NEBL: variants seen among roughly 807,000 people sequenced by gnomAD.
NEBL encodes nebulette, also known as LIM and SH3 protein 2.
NEBL carries 122 observed loss-of-function variants against 140.2 expected under a neutral mutation model. That is an observed-to-expected ratio of 0.87 (90% CI 0.75 to 1.01). The LOEUF (loss-of-function observed/expected upper bound fraction) is 1.01, where lower values mean the gene tolerates loss of function less well. Ranked by LOEUF, NEBL falls within the 50% of genes least tolerant of loss-of-function variation. The probability of loss-of-function intolerance (pLI) is 0.00; values close to 1 mark genes in which losing one functional copy is unlikely to be tolerated. For missense variants in NEBL, 1,365 were observed against 1,231.3 expected (o/e 1.11, Z -1.62); for synonymous variants, 436 against 398.9 (o/e 1.09, Z -1.11).
intron 2 of NEBL, among the ~76,000 whole-genome samples, chr10:21,139,561 C>A (rs1434796503): frequency 6.6e-6 from 1 of 152,120 alleles, no homozygotes; most frequent in East Asian, 1.9e-4. Context: ...GTTGTCATAG[C>A]AATGATGAAA....
intron 2 of NEBL, among the ~76,000 whole-genome samples, chr10:21,250,692 C>T (rs59424195): frequency 0.21 from 31,252 of 151,756 alleles, 3,805 homozygotes; most frequent in African/African-American, 0.33. Context: ...AGGTGGATCA[C>T]CTGAGTTCAG....
intron 2 of NEBL, among the ~76,000 whole-genome samples, chr10:21,145,022 G>A (rs1839828368): frequency 6.7e-6 from 1 of 148,828 alleles, no homozygotes; most frequent in African/African-American, 2.5e-5. Context: ...AACCACAGAA[G>A]TAAAAATGGC....
intron 2 of NEBL, among the ~76,000 whole-genome samples, chr10:21,123,145 T>C (rs1412581047): frequency 6.6e-6 from 1 of 152,188 alleles, no homozygotes; most frequent in Non-Finnish European, 1.5e-5. Flanking sequence ...CCCTTTGAGG[T>C]TGATACCAAA....
chr10:20,803,699 T>C (rs529646751), intron 26 of NEBL, among the ~76,000 whole-genome samples: 1 of 151,778 alleles, frequency 6.6e-6, no homozygotes, highest in African/African-American at 2.4e-5. Context: ...CCACTTTTTA[T>C]AGAGTCAATC....
intron 3 of NEBL, among the ~76,000 whole-genome samples, chr10:21,206,383 T>C (rs1246545199): frequency 6.6e-6 from 1 of 152,226 alleles, no homozygotes; most frequent in East Asian, 1.9e-4. Flanking sequence ...TAACATGTGC[T>C]AGTGAAAATT....
intron 13 of NEBL, among the ~76,000 whole-genome samples, chr10:20,840,105 TATC>T (rs1841271627): frequency 6.6e-6 from 1 of 152,112 alleles, no homozygotes; most frequent in Admixed American, 6.5e-5. Flanking sequence ...TCGTCATCGC[TATC>T]ATCATCATCA....
At chr10:21,192,392 C>T (rs1589323233) in intron 3 of NEBL, among the ~76,000 whole-genome samples, 2 of 151,550 alleles carry the variant, frequency 1.3e-5, no homozygotes, top group South Asian at 4.2e-4. Context: ...TGGGGTTTCA[C>T]CTTGTTAGCC....
intron 2 of NEBL, among the ~76,000 whole-genome samples, chr10:21,042,326 G>T (rs1303711428): frequency 6.6e-6 from 1 of 152,336 alleles, no homozygotes; most frequent in Non-Finnish European, 1.5e-5. Context: ...ACACAGGCTT[G>T]TCTACCAGCA....
At chr10:21,238,773 A>G (rs892063283) in intron 3 of NEBL, among the ~76,000 whole-genome samples, 2 of 151,700 alleles carry the variant, frequency 1.3e-5, no homozygotes, top group African/African-American at 4.8e-5. Context: ...GGAGGAAAAG[A>G]AGAAATGGTT....
intron 3 of NEBL, among the ~76,000 whole-genome samples, chr10:20,969,501 A>G (rs1836471289): frequency 6.6e-6 from 1 of 150,506 alleles, no homozygotes; most frequent in African/African-American, 2.4e-5. Flanking sequence ...TTTTTATTCT[A>G]AACAAAAATG....
rs1227253403 is a variant in NEBL, at chr10:21,125,760, A to T, written c.164+46623T>A. 4 of 1,266,260 alleles carry T rather than the reference A, an allele frequency of 3.2e-6. No individual in the cohort carries two copies. The African/African-American group carries it at 4.5e-5, about 14-fold the overall frequency. 78.4% of individuals were successfully genotyped at this position (1,266,260 alleles called of 1,614,324 possible). On this transcript the variant is annotated intron_variant, in intron 2 of 6. Transcript: ENST00000417816. Reference sequence around the variant, plus strand: ...CTCCACAGGGCACGGATGGAAACAGAACTCAGGCTCATTTAAAATTTTATT... The same window carrying T: ...CTCCACAGGGCACGGATGGAAACAGTACTCAGGCTCATTTAAAATTTTATT...
At chr10:20,854,307 T>C (rs1164878980) in intron 9 of NEBL, among the ~76,000 whole-genome samples, 3 of 152,042 alleles carry the variant, frequency 2.0e-5, no homozygotes. Context: ...ATTTTGATCT[T>C]AGGGGATACT....
Position 21,180,798 on chromosome 10 carries a change from T to C in NEBL, n.349-8321A>G, listed in dbSNP as rs546660738. ...CCTTAGCTAAGCAATTTCTCATGTC[T>C]TCCCTGGTTGGTTTTGTAATGATAA... On this transcript the variant is annotated intron_variant and non_coding_transcript_variant, in intron 3 of 8. Coordinates refer to the NEBL transcript ENST00000675702. Among the ~76,000 whole-genome samples the C allele has an allele frequency of 2.6e-5, 4 of 152,270 alleles. No individual in the cohort carries two copies. In the South Asian group the frequency reaches 8.3e-4, roughly 32 times the overall value.
At chr10:20,975,248 A>G (rs1836741591) in intron 3 of NEBL, among the ~76,000 whole-genome samples, 1 of 152,202 alleles carries the variant, frequency 6.6e-6, no homozygotes, top group Admixed American at 6.5e-5. Flanking sequence ...TAAGATCTTA[A>G]AAGTACTAGA....
chr10:21,103,511 C>T (rs1335419787), intron 2 of NEBL, among the ~76,000 whole-genome samples: 1 of 152,206 alleles, frequency 6.6e-6, no homozygotes, highest in East Asian at 1.9e-4. Flanking sequence ...CCGCACCAGG[C>T]CTTTTTCAAC....
intron 2 of NEBL, among the ~76,000 whole-genome samples, chr10:21,040,721 T>C (rs1589164691): frequency 6.6e-6 from 1 of 152,154 alleles, no homozygotes; most frequent in East Asian, 1.9e-4. Flanking sequence ...CCAAATCTCA[T>C]GTCAAATTGT....
At chr10:21,199,219 G>C (rs1841697070) in intron 3 of NEBL, among the ~76,000 whole-genome samples, 1 of 151,672 alleles carries the variant, frequency 6.6e-6, no homozygotes, top group South Asian at 2.1e-4. Flanking sequence ...TTTAGAGATG[G>C]GGGGGGTCTC....
At chr10:21,248,010 T>TAAAA in intron 2 of NEBL, 4 of 196,296 alleles carry the variant, frequency 2.0e-5, no homozygotes, top group South Asian at 2.1e-4. Context: ...AAATTATGAT[T>TAAAA]AAAAAAAAAA....
chr10:21,176,090 C>A (rs1014325920), upstream of NEBL, among the ~76,000 whole-genome samples: 3 of 151,964 alleles, frequency 2.0e-5, no homozygotes, highest in Non-Finnish European at 4.4e-5. Context: ...GCAGCCTCGA[C>A]CTCCCAGGCT....
Sources: allele counts gnomAD v4.1 joint callset (sites outside exome capture counted in the v4.1 genomes callset), GRCh38; gene constraint gnomAD v4.1.1; transcripts MANE v1.5; gene names NCBI Gene and HGNC (gene_info 2026-07-23, HGNC 2026-07-21).